RAMP3: variants seen among roughly 807,000 people sequenced by gnomAD.
The protein encoded by RAMP3 is receptor activity modifying protein 3, also known as receptor activity-modifying protein 3.
RAMP3 carries 14 observed loss-of-function variants against 13.5 expected under a neutral mutation model. That is an observed-to-expected ratio of 1.04 (90% confidence interval 0.69 to 1.63). The LOEUF (loss-of-function observed/expected upper bound fraction) is 1.63. Among genes scored for constraint, RAMP3 ranks in the 40% most tolerant of loss-of-function variants. The pLI, the probability that RAMP3 is intolerant of heterozygous loss-of-function variation, is 0.00. For missense variants in RAMP3, 200 were observed against 204.8 expected, an observed-to-expected ratio of 0.98 and a Z score of 0.14; for synonymous variants, 106 against 88.3, an observed-to-expected ratio of 1.20 and a Z score of -1.12.
intron 1 of RAMP3, among the ~76,000 whole-genome samples, chr7:45,173,130 C>T (rs1462339433): frequency 6.6e-6 from 1 of 152,210 alleles, no homozygotes; most frequent in East Asian, 1.9e-4. Context: ...CCATGGCCCT[C>T]TGGGTTCCAC....
chr7:45,171,723 C>T (rs916332750), intron 1 of RAMP3, among the ~76,000 whole-genome samples: 1 of 152,196 alleles, frequency 6.6e-6, no homozygotes. Context: ...CCTTCCACCT[C>T]AGCCTCCCAA....
Position 45,177,532 on chromosome 7 carries a change from C to G in RAMP3, c.191+91C>G. On this transcript the variant is annotated intron_variant, in intron 2 of 2. Transcript: ENST00000242249. ...CTGACCACAGCCTGACCGCACTCTA[C>G]CCAAGGCCTCACCCATGCCTCACCC... The G allele has an allele frequency of 1.9e-6, 3 of 1,563,574 alleles. No homozygotes were observed. The South Asian group carries it at 3.6e-5, about 19-fold the overall frequency.
At chr7:45,177,265 C>T (rs1003131414) in intron 1 of RAMP3, 44 bp from the exon 2 acceptor site, 57 of 1,611,816 alleles carry the variant, frequency 3.5e-5, no homozygotes, top group Non-Finnish European at 4.4e-5. Context: ...CTGGCATCCC[C>T]AGTGTGAACT....
At chr7:45,167,521 T>G (rs1301440961) in intron 1 of RAMP3, among the ~76,000 whole-genome samples, 4 of 152,044 alleles carry the variant, frequency 2.6e-5, no homozygotes, top group Admixed American at 1.3e-4. Flanking sequence ...ATGTTGTAAG[T>G]TGTAAGATTG....
At chr7:45,165,788 T>A (rs1420169755) in intron 1 of RAMP3, among the ~76,000 whole-genome samples, 1 of 152,218 alleles carries the variant, frequency 6.6e-6, no homozygotes, top group African/African-American at 2.4e-5. Flanking sequence ...TGGCATCATA[T>A]AATATGTGAG....
intron 1 of RAMP3, among the ~76,000 whole-genome samples, chr7:45,171,528 C>G (rs1786082519): frequency 6.6e-6 from 1 of 151,930 alleles, no homozygotes; most frequent in Non-Finnish European, 1.5e-5. Context: ...TCTATTCAGG[C>G]TTTAACAAAG....
At position 45,177,358 on chromosome 7, in the gene RAMP3, G is replaced by T. The variant is rs767879739; in HGVS notation, c.108G>T (p.Arg36Ser). The change falls in exon 2 of 3, where the codon AGG becomes AGT. Residue 36 changes from arginine (R) to serine (S), a missense_variant. Coordinates refer to ENST00000242249, the MANE Select transcript of RAMP3 (RefSeq NM_005856.3). Reference protein sequence around the residue: ...GGCNETGMLERLPLCGKAFAD... With the variant: ...GGCNETGMLESLPLCGKAFAD... ...GCAACGAGACAGGCATGTTGGAGAG[G>T]CTGCCCCTGTGTGGGAAGGCTTTCG... The T allele has an allele frequency of 6.2e-7, 1 of 1,614,176 alleles. No individual in the cohort carries two copies. Among genetic ancestry groups the T allele is most frequent in the Admixed American group, 1.7e-5 (1 of 60,032 alleles).
At chr7:45,166,958 C>CTTTTTTTTT (rs202162694) in intron 1 of RAMP3, among the ~76,000 whole-genome samples, 16,004 of 100,274 alleles carry the variant, frequency 0.16, 2,403 homozygotes, top group African/African-American at 0.28. Flanking sequence ...GTCTTTGATG[C>CTTTTTTTTT]TTTTTTTTTT....
intron 2 of RAMP3, among the ~76,000 whole-genome samples, chr7:45,177,808 C>G (rs1478212378): frequency 6.6e-6 from 1 of 152,360 alleles, no homozygotes; most frequent in East Asian, 1.9e-4. Flanking sequence ...AGCAATTCTA[C>G]ACTGTGCCTC....
chr7:45,167,069 T>C (rs1330222193), intron 1 of RAMP3, among the ~76,000 whole-genome samples: 3 of 149,822 alleles, frequency 2.0e-5, no homozygotes, highest in Admixed American at 6.7e-5. Flanking sequence ...GCCATTCTCC[T>C]GCCTCAGCCT....
chr7:45,163,416 G>A lies in RAMP3; in HGVS notation c.58+5530G>A, dbSNP rs1009575544. The A allele has an allele frequency of 6.6e-5, 65 of 985,326 alleles. 1 individual carries two copies. The African/African-American group carries it at 1.1e-3, about 16-fold the overall frequency. 61.0% of individuals were successfully genotyped at this position (985,326 alleles called of 1,614,324 possible). On this transcript the variant is annotated intron_variant, in intron 1 of 2. Coordinates refer to ENST00000242249, the MANE Select transcript of RAMP3 (RefSeq NM_005856.3). ...GAGCTGTGCTACAAGAGAACCTGGG[G>A]TCAGCAGCTTGGGATACACAGAAGT...
At position 45,157,813 on chromosome 7, in the gene RAMP3, C is replaced by A. The variant is rs1375161124; in HGVS notation, c.-16C>A. ...CCCAGCGGGACCGAGCGTGACCCAG[C>A]TGCGGCCGGCCAGCCATGGAGACTG... On this transcript the variant is annotated 5_prime_UTR_variant, in exon 1 of 3. The change creates a new upstream start codon in the 5' untranslated region. Transcript: ENST00000242249. 1 of 1,442,982 alleles carries A rather than the reference C, an allele frequency of 6.9e-7. No homozygotes were observed. Among genetic ancestry groups the A allele is most frequent in the East Asian group, 3.0e-5 (1 of 33,206 alleles). 89.4% of individuals were successfully genotyped at this position (1,442,982 alleles called of 1,614,324 possible). A position where few individuals can be genotyped will look rare whatever the true frequency, so the allele number is the denominator to read the frequency against.
intron 1 of RAMP3, among the ~76,000 whole-genome samples, chr7:45,174,382 T>C (rs932472947): frequency 2.0e-5 from 3 of 152,192 alleles, no homozygotes; most frequent in African/African-American, 7.2e-5. Flanking sequence ...TGTGTGCGGC[T>C]GGCCACTGTC....
chr7:45,181,365 A>G (rs1431668897), intron 2 of RAMP3, among the ~76,000 whole-genome samples: 2 of 152,208 alleles, frequency 1.3e-5, no homozygotes, highest in African/African-American at 4.8e-5. Context: ...AGGGGCTTTC[A>G]GCCCTGCCTC....
intron 1 of RAMP3, among the ~76,000 whole-genome samples, chr7:45,174,849 C>A (rs1235091031): frequency 6.6e-6 from 1 of 152,192 alleles, no homozygotes; most frequent in African/African-American, 2.4e-5. Flanking sequence ...GGAACCAGAC[C>A]CTCTCCCTCT....
chr7:45,163,685 C>T (rs1785906310), intron 1 of RAMP3: 3 of 985,300 alleles, frequency 3.0e-6, no homozygotes, highest in Admixed American at 6.1e-5. Flanking sequence ...ATCAGAATCA[C>T]TCTTTTTTAC....
At chr7:45,163,453 G>A in intron 1 of RAMP3, 2 of 985,450 alleles carry the variant, frequency 2.0e-6, no homozygotes, top group Non-Finnish European at 2.4e-6. Context: ...GGAGCTGCTG[G>A]TGTCCAGGAA....
intron 1 of RAMP3, among the ~76,000 whole-genome samples, chr7:45,165,506 T>C (rs941900291): frequency 6.6e-6 from 1 of 152,224 alleles, no homozygotes; most frequent in Non-Finnish European, 1.5e-5. Flanking sequence ...TTTGAAAAAG[T>C]TTTTATTATG....
intron 1 of RAMP3, chr7:45,163,858 G>C (rs1201881103): frequency 1.0e-6 from 1 of 985,280 alleles, no homozygotes; most frequent in Non-Finnish European, 1.2e-6. Flanking sequence ...CTCCATTCCT[G>C]CAGAGATGGT....
Sources: allele counts gnomAD v4.1 joint callset (sites outside exome capture counted in the v4.1 genomes callset), GRCh38; gene constraint gnomAD v4.1.1; transcripts MANE v1.5; gene names NCBI Gene and HGNC (gene_info 2026-07-23, HGNC 2026-07-21).